The following TBC1D5 variants were observed in gnomAD, a reference collection of about 807,000 sequenced individuals.
The protein encoded by TBC1D5 is TBC1 domain family, member 5.
A neutral mutation model predicts 100.3 loss-of-function variants in TBC1D5; 75 were observed. The observed-to-expected ratio is 0.75, with a 90% CI of 0.62 to 0.91. The LOEUF (loss-of-function observed/expected upper bound fraction) is 0.91, where lower values mean the gene tolerates loss of function less well. Ranked by LOEUF, TBC1D5 falls within the 40% of genes least tolerant of loss-of-function variation. TBC1D5 has a pLI of 0.00. For synonymous variants in TBC1D5, 323 were observed against 325.6 expected, an observed-to-expected ratio of 0.99 and a Z score of 0.09; for missense variants, 910 against 942.4, an observed-to-expected ratio of 0.97 and a Z score of 0.45.
intron 2 of TBC1D5, among the ~76,000 whole-genome samples, chr3:17,515,986 G>T (rs1158685356): frequency 6.6e-6 from 1 of 152,138 alleles, no homozygotes; most frequent in Non-Finnish European, 1.5e-5. Flanking sequence ...GATTCACATT[G>T]CACCAGTCAC....
At chr3:17,621,070 G>T (rs1373434372) in intron 2 of TBC1D5, among the ~76,000 whole-genome samples, 3 of 152,106 alleles carry the variant, frequency 2.0e-5, no homozygotes, top group African/African-American at 7.2e-5. Flanking sequence ...TGTTGATACT[G>T]TTGGAAGCCA....
chr3:17,711,627 G>A (rs1334987597), intron 1 of TBC1D5, among the ~76,000 whole-genome samples: 1 of 152,094 alleles, frequency 6.6e-6, no homozygotes, highest in Non-Finnish European at 1.5e-5. Flanking sequence ...ATTTTTCAGT[G>A]AAGAAACACT....
intron 16 of TBC1D5, among the ~76,000 whole-genome samples, chr3:17,243,064 CCCA>C (rs2076435481): frequency 6.6e-6 from 1 of 152,120 alleles, no homozygotes; most frequent in Admixed American, 6.6e-5. Flanking sequence ...TATTCTAGCA[CCCA>C]CCAAGTGTTA....
intron 2 of TBC1D5, among the ~76,000 whole-genome samples, chr3:17,620,942 AAAG>A (rs1173501448): frequency 6.6e-6 from 1 of 152,172 alleles, no homozygotes; most frequent in Non-Finnish European, 1.5e-5. Flanking sequence ...ATGAGTACAA[AAAG>A]GAGGGAGAAC....
At chr3:17,391,974 G>C (rs982358195) in intron 8 of TBC1D5, among the ~76,000 whole-genome samples, 2 of 152,070 alleles carry the variant, frequency 1.3e-5, no homozygotes, top group African/African-American at 4.8e-5. Flanking sequence ...AAAGGTGCTA[G>C]AACTTTCTTG....
chr3:17,705,609 G>T, intron 1 of TBC1D5, among the ~76,000 whole-genome samples: 1 of 132,408 alleles, frequency 7.6e-6, no homozygotes, highest in East Asian at 2.5e-4. Context: ...CATCCCAGAT[G>T]GGGCGGCGGG....
At chr3:17,516,481 A>T (rs987411259) in intron 2 of TBC1D5, among the ~76,000 whole-genome samples, 1 of 152,232 alleles carries the variant, frequency 6.6e-6, no homozygotes, top group African/African-American at 2.4e-5. Context: ...ATAAATGATT[A>T]ATGTTTTGAA....
At chr3:17,296,282 T>C (rs937770389) in intron 14 of TBC1D5, among the ~76,000 whole-genome samples, 3 of 152,230 alleles carry the variant, frequency 2.0e-5, no homozygotes, top group African/African-American at 7.2e-5. Flanking sequence ...TAATTGTACT[T>C]GACTGAAAAC....
At chr3:17,369,925 T>C (rs965294757) in intron 13 of TBC1D5, among the ~76,000 whole-genome samples, 2 of 152,184 alleles carry the variant, frequency 1.3e-5, no homozygotes, top group Non-Finnish European at 2.9e-5. Context: ...GATGAGATTC[T>C]ATTAAAATAT....
chr3:17,730,183 T>C (rs181509152), intron 1 of TBC1D5, among the ~76,000 whole-genome samples: 1 of 152,328 alleles, frequency 6.6e-6, no homozygotes, highest in East Asian at 1.9e-4. Context: ...AGGAATTAAT[T>C]CATTCCACAA....
chr3:17,309,519 GTCTTTTATAATTTTTA>G (rs1424765728), intron 13 of TBC1D5, among the ~76,000 whole-genome samples: 1 of 151,646 alleles, frequency 6.6e-6, no homozygotes, highest in Non-Finnish European at 1.5e-5. Flanking sequence ...ATGTTACAAT[GTCTTTTATAATTTTTA>G]TCTTTTATAA....
At chr3:17,283,265 A>T (rs2080806148) in intron 15 of TBC1D5, among the ~76,000 whole-genome samples, 1 of 152,236 alleles carries the variant, frequency 6.6e-6, no homozygotes, top group Non-Finnish European at 1.5e-5. Context: ...ACAGTTCAAG[A>T]AATGAAGTGA....
chr3:17,522,312 C>A (rs1450474522), intron 2 of TBC1D5, among the ~76,000 whole-genome samples: 2 of 151,770 alleles, frequency 1.3e-5, no homozygotes, highest in African/African-American at 4.8e-5. Context: ...TTAGGTTGCC[C>A]ATGTAAGAAA....
intron 19 of TBC1D5, 142 bp from the exon 21 acceptor site, chr3:17,167,970 C>A (rs939809911): frequency 1.6e-6 from 1 of 633,794 alleles, no homozygotes; most frequent in Non-Finnish European, 2.8e-6. Context: ...CTGCAAACTG[C>A]GGATGGGGAA....
At chr3:17,419,098 A>G (rs1311066773) in intron 4 of TBC1D5, among the ~76,000 whole-genome samples, 1 of 152,232 alleles carries the variant, frequency 6.6e-6, no homozygotes, top group Non-Finnish European at 1.5e-5. Context: ...GCCCTCATGC[A>G]CATACGCTGA....
intron 18 of TBC1D5, among the ~76,000 whole-genome samples, chr3:17,189,209 A>G (rs1420929323): frequency 6.6e-6 from 1 of 152,230 alleles, no homozygotes; most frequent in African/African-American, 2.4e-5. Flanking sequence ...AAATTTTTTT[A>G]TAATCAAGTT....
intron 2 of TBC1D5, among the ~76,000 whole-genome samples, chr3:17,523,206 C>A (rs1158318067): frequency 6.6e-6 from 1 of 152,160 alleles, no homozygotes; most frequent in African/African-American, 2.4e-5. Context: ...CAAGGTCGCA[C>A]ACTAAGTGGC....
rs1560473193 is a variant in TBC1D5, at chr3:17,690,201, C to CTTT, written c.-101+49141_-101+49142insAAA. ...AAGAGAACTGAAGCATAAAAATAGC[C>CTTT]ATATTTTTTTTTTTTTTTTTTTTTT... On this transcript the variant is annotated intron_variant, in intron 1 of 21. Transcript: ENST00000253692. 3.8e-4 allele frequency among the ~76,000 whole-genome samples: 29 copies of CTTT among 75,742 alleles called. 2 individuals carry two copies. The highest frequency in any genetic ancestry group is 1.3e-3 in the African/African-American group (28 of 22,288). The allele number at this position is 75,742 out of a possible 152,430, so 49.7% of individuals were successfully genotyped here. A position where few individuals can be genotyped will look rare whatever the true frequency, so the allele number is the denominator to read the frequency against.
At chr3:17,396,041 C>A (rs953492631) in intron 8 of TBC1D5, among the ~76,000 whole-genome samples, 2 of 152,002 alleles carry the variant, frequency 1.3e-5, no homozygotes, top group African/African-American at 4.8e-5. Flanking sequence ...AATCTGTTTT[C>A]CCCCCTCTTT....
Sources: gnomAD v4.1 joint callset for allele counts (sites outside exome capture counted in the v4.1 genomes callset) on GRCh38, gnomAD v4.1.1 for gene constraint, MANE v1.5 for transcripts, NCBI Gene and HGNC (gene_info 2026-07-23, HGNC 2026-07-21) for gene names.